COG6: variants seen among roughly 807,000 people sequenced by gnomAD.
The protein encoded by COG6 is component of oligomeric golgi complex 6, also known as conserved oligomeric Golgi complex subunit 6.
A neutral mutation model predicts 88.8 loss-of-function variants in COG6; 74 were observed. The observed-to-expected ratio is 0.83, with a 90% CI of 0.69 to 1.01. The LOEUF is 1.01. COG6 is among the 50% of genes least tolerant of loss of function. The pLI is 0.00. For synonymous variants in COG6, 286 were observed against 278.7 expected, an observed-to-expected ratio of 1.03 and a Z score of -0.26; for missense variants, 800 against 797.9, an observed-to-expected ratio of 1.00 and a Z score of -0.03.
intron 18 of COG6, among the ~76,000 whole-genome samples, chr13:39,757,914 C>G (rs1880890707): frequency 6.6e-6 from 1 of 152,066 alleles, no homozygotes; most frequent in African/African-American, 2.4e-5. Context: ...TAAACTCTTG[C>G]AATTCAACAA....
chr13:39,692,281 A>T (rs1024105807), intron 11 of COG6, among the ~76,000 whole-genome samples: 25 of 150,204 alleles, frequency 1.7e-4, no homozygotes, highest in Non-Finnish European at 2.8e-4. Context: ...AATATATTAA[A>T]TTTTTTTTTT....
Position 39,743,009 on chromosome 13 carries a change from G to A in COG6, c.1827-7937G>A, listed in dbSNP as rs1184117213. Among the ~76,000 whole-genome samples the A allele has an allele frequency of 2.6e-5, 4 of 152,126 alleles. No individual in the cohort carries two copies. The South Asian group carries it at 8.3e-4, about 31-fold the overall frequency. ...CAACCTGCTCCTGAATGACTACTGG[G>A]TACATAACGAAATCAAGGCAGAAAT... On this transcript the variant is annotated intron_variant, in intron 18 of 18. Transcript: ENST00000455146.
chr13:39,662,521 T>C lies in COG6; in HGVS notation c.369+1640T>C, dbSNP rs562157349. On this transcript the variant is annotated intron_variant, in intron 3 of 18. Coordinates refer to ENST00000455146, the MANE Select transcript of COG6 (RefSeq NM_020751.3). ...TCTTTCTTTATTCAGATCAACTTTA[T>C]TGAGGAATAATTTATGAATGGTAAT... Among the ~76,000 whole-genome samples the C allele has an allele frequency of 4.6e-5, 7 of 152,320 alleles. No individual in the cohort carries two copies. The South Asian group carries it at 1.4e-3, about 32-fold the overall frequency.
intron 13 of COG6, among the ~76,000 whole-genome samples, chr13:39,706,264 T>TATATATATATATATATTTAA (rs1877913510): frequency 7.0e-6 from 1 of 142,876 alleles, no homozygotes; most frequent in Non-Finnish European, 1.5e-5. Flanking sequence ...TTTATATATA[T>TATATATATATATATATTTAA]ATATATATAT....
intron 1 of COG6, chr13:39,656,703 T>A (rs996705838): frequency 2.7e-6 from 1 of 368,632 alleles, no homozygotes; most frequent in African/African-American, 2.1e-5. Flanking sequence ...TGTAAAAAAA[T>A]AACATTGCAA....
intron 11 of COG6, 77 bp from the exon 12 acceptor site, chr13:39,694,557 A>C: frequency 1.1e-6 from 1 of 869,796 alleles, no homozygotes; most frequent in African/African-American, 1.7e-5. Context: ...TTGTTATGCT[A>C]TTCATACCAT....
At chr13:39,697,466 G>C (rs576885671) in intron 12 of COG6, among the ~76,000 whole-genome samples, 1 of 152,052 alleles carries the variant, frequency 6.6e-6, no homozygotes, top group Non-Finnish European at 1.5e-5. Context: ...CCAGGAAACA[G>C]GGACTCGAGC....
intron 12 of COG6, among the ~76,000 whole-genome samples, chr13:39,697,543 G>A (rs1877343976): frequency 6.6e-6 from 1 of 151,916 alleles, no homozygotes; most frequent in Non-Finnish European, 1.5e-5. Context: ...CTTGGCTTTT[G>A]TACTTGTTTA....
chr13:39,672,050 T>G (rs1875679483), intron 4 of COG6, among the ~76,000 whole-genome samples: 1 of 152,004 alleles, frequency 6.6e-6, no homozygotes, highest in Non-Finnish European at 1.5e-5. Context: ...ATGGTTACTT[T>G]AACATTTTAA....
chr13:39,699,689 A>G (rs892894711), intron 13 of COG6, 71 bp downstream of exon 13: 12 of 795,458 alleles, frequency 1.5e-5, no homozygotes, highest in Non-Finnish European at 2.7e-5. Flanking sequence ...TGATTTTTGT[A>G]TTGATTGATA....
chr13:39,692,557 G>A (rs960811969), intron 11 of COG6, among the ~76,000 whole-genome samples: 1 of 152,024 alleles, frequency 6.6e-6, no homozygotes, highest in Non-Finnish European at 1.5e-5. Context: ...GCAGCTGTCT[G>A]TGATATTAAG....
chr13:39,693,857 A>T (rs990561081), intron 11 of COG6, among the ~76,000 whole-genome samples: 1 of 151,990 alleles, frequency 6.6e-6, no homozygotes, highest in Non-Finnish European at 1.5e-5. Flanking sequence ...TGCTACAGAG[A>T]TGTAAAATAG....
intron 18 of COG6, among the ~76,000 whole-genome samples, chr13:39,741,256 T>C (rs890564421): frequency 2.6e-5 from 4 of 152,190 alleles, no homozygotes; most frequent in Non-Finnish European, 5.9e-5. Context: ...AGAGAATGAC[T>C]TTGACAAGCT....
At chr13:39,767,051 A>G (rs1490730451) in intron 18 of COG6, among the ~76,000 whole-genome samples, 5 of 152,144 alleles carry the variant, frequency 3.3e-5, no homozygotes, top group Non-Finnish European at 1.5e-5. Context: ...TGTTTTGTGT[A>G]CAGGTTAGGG....
intron 18 of COG6, among the ~76,000 whole-genome samples, chr13:39,729,219 A>G (rs1047880249): frequency 4.6e-5 from 7 of 152,168 alleles, no homozygotes; most frequent in Admixed American, 1.3e-4. Flanking sequence ...TGGGAGCACA[A>G]ACCCTACTGT....
At chr13:39,762,711 G>C (rs1881054270) in intron 18 of COG6, among the ~76,000 whole-genome samples, 2 of 149,378 alleles carry the variant, frequency 1.3e-5, no homozygotes, top group South Asian at 4.2e-4. Flanking sequence ...TATTTTCCGT[G>C]ATTTTTCTTT....
intron 13 of COG6, among the ~76,000 whole-genome samples, chr13:39,718,298 T>C (rs1400421722): frequency 1.3e-5 from 2 of 152,272 alleles, no homozygotes; most frequent in African/African-American, 2.4e-5. Context: ...TTATAATAAA[T>C]GCCGATATTT....
intron 8 of COG6, among the ~76,000 whole-genome samples, chr13:39,683,923 C>G (rs1012659574): frequency 6.6e-6 from 1 of 152,086 alleles, no homozygotes; most frequent in Admixed American, 6.5e-5. Context: ...AGTCCGTGTA[C>G]CTTTATAAGC....
At chr13:39,766,888 A>G (rs897526692) in intron 18 of COG6, among the ~76,000 whole-genome samples, 3 of 152,242 alleles carry the variant, frequency 2.0e-5, no homozygotes, top group Admixed American at 6.5e-5. Flanking sequence ...TTAATCATGC[A>G]TAGAAACAAA....
Sources: allele counts gnomAD v4.1 joint callset (sites outside exome capture counted in the v4.1 genomes callset), GRCh38; gene constraint gnomAD v4.1.1; transcripts MANE v1.5; gene names NCBI Gene and HGNC (gene_info 2026-07-23, HGNC 2026-07-21).